MPP7: variants seen among roughly 807,000 people sequenced by gnomAD.
MPP7 encodes MAGUK p55 subfamily member 7.
Under a neutral mutation model 76.5 loss-of-function variants are expected in MPP7, and 60 were observed. The ratio of observed to expected loss-of-function variants is 0.78; its 90% confidence interval spans 0.64 to 0.97. MPP7 has a LOEUF of 0.97. MPP7 is among the 50% of genes least tolerant of loss of function. The pLI, the probability that MPP7 is intolerant of heterozygous loss-of-function variation, is 0.00. For missense variants in MPP7, 641 were observed against 694.0 expected, an observed-to-expected ratio of 0.92 and a Z score of 0.86; for synonymous variants, 237 against 244.5, an observed-to-expected ratio of 0.97 and a Z score of 0.29.
At chr10:28,171,080 A>G (rs958022518) in intron 3 of MPP7, among the ~76,000 whole-genome samples, 2 of 152,198 alleles carry the variant, frequency 1.3e-5, no homozygotes, top group African/African-American at 2.4e-5. Flanking sequence ...ACTACATCCA[A>G]AAACACAAAT....
intron 1 of MPP7, among the ~76,000 whole-genome samples, chr10:28,299,968 CGT>C (rs1841116923): frequency 2.0e-5 from 3 of 151,918 alleles, no homozygotes. Context: ...AGGGTTTCAC[CGT>C]GTTAGCCAGG....
chr10:28,131,581 C>A lies in MPP7; in HGVS notation c.426G>T (p.Leu142=). ...DEEDSVKIIR[L]VKNREPLGAT... ...TCACCAGTGGTTCTCTATTTTTGAC[C>A]AGACGGATTATTTTTACTGAGTCTT... Residue 142 remains leucine (L), a synonymous_variant, in exon 6 of 17, where the codon CTG becomes CTT. Transcript: ENST00000683449. 3.1e-6 allele frequency: 5 copies of A among 1,600,220 alleles called. No individual in the cohort carries two copies. Among genetic ancestry groups the A allele is most frequent in the Admixed American group, 1.7e-5 (1 of 59,670 alleles).
At chr10:28,179,768 AG>A (rs1837000416) in intron 3 of MPP7, among the ~76,000 whole-genome samples, 1 of 152,258 alleles carries the variant, frequency 6.6e-6, no homozygotes, top group African/African-American at 2.4e-5. Flanking sequence ...AATAGTGGCT[AG>A]CCAAATATTT....
In MPP7 at chr10:28,054,259, A is replaced by G. The variant is rs761405954; in HGVS notation, c.1552-15T>C. 1.3e-6 allele frequency: 2 copies of G among 1,500,684 alleles called. No individual in the cohort carries two copies. Among genetic ancestry groups the G allele is most frequent in the Non-Finnish European group, 1.8e-6 (2 of 1,100,904 alleles). The allele number at this position is 1,500,684 out of a possible 1,614,324, so 93.0% of individuals were successfully genotyped here. A position where few individuals can be genotyped will look rare whatever the true frequency, so the allele number is the denominator to read the frequency against. On this transcript the variant is annotated splice_polypyrimidine_tract_variant and intron_variant, in intron 16 of 16. Coordinates refer to ENST00000683449, the MANE Select transcript of MPP7 (RefSeq NM_001318170.2). ...AAATCTTCTTCCTACAAAAGGAAGT[A>G]TTAAAAAAATAATTGGTTAACCAGG... is the stretch of plus-strand genomic sequence containing the variant.
At chr10:28,330,176 T>A (rs539393642) in intron 1 of MPP7, among the ~76,000 whole-genome samples, 2 of 152,344 alleles carry the variant, frequency 1.3e-5, no homozygotes, top group South Asian at 4.1e-4. Flanking sequence ...CTGAGCTTCC[T>A]TTCAACGACA....
intron 2 of MPP7, among the ~76,000 whole-genome samples, chr10:28,233,532 C>T (rs1023647264): frequency 3.3e-5 from 5 of 150,650 alleles, no homozygotes; most frequent in Admixed American, 3.3e-4. Context: ...CACAATGAAA[C>T]CCCGTCTCTA....
intron 2 of MPP7, among the ~76,000 whole-genome samples, chr10:28,318,021 G>T (rs568858128): frequency 6.6e-6 from 1 of 152,170 alleles, no homozygotes; most frequent in Admixed American, 6.5e-5. Context: ...CTGTTGTTCC[G>T]GGTGCCATCG....
chr10:28,110,728 T>C (rs1052776773), intron 11 of MPP7, among the ~76,000 whole-genome samples: 38 of 152,306 alleles, frequency 2.5e-4, no homozygotes, highest in African/African-American at 9.1e-4. Flanking sequence ...TTTAGGCCTC[T>C]TTCTTGTGGA....
intron 3 of MPP7, among the ~76,000 whole-genome samples, chr10:28,150,521 A>C (rs948290149): frequency 1.3e-5 from 2 of 152,198 alleles, no homozygotes; most frequent in Admixed American, 1.3e-4. Flanking sequence ...AATCACTGTC[A>C]AGAGGGAAGG....
chr10:28,332,860 A>G (rs376713475), intron 1 of MPP7, among the ~76,000 whole-genome samples: 67 of 151,966 alleles, frequency 4.4e-4, no homozygotes, highest in African/African-American at 1.6e-3. Context: ...ACAGAGTCTC[A>G]CTATGTTGCC....
intron 2 of MPP7, among the ~76,000 whole-genome samples, chr10:28,314,566 C>T (rs376964041): frequency 1.4e-3 from 215 of 152,222 alleles, no homozygotes; most frequent in African/African-American, 5.0e-3. Context: ...TGAGAACAAT[C>T]GCAAAGTGTT....
chr10:28,313,853 A>ATTTTTTTTTTT lies in MPP7; in HGVS notation c.-132+16065_-132+16075dup, dbSNP rs1192149562. The stretch of plus-strand genomic sequence containing the variant: ...AGGTGTGTGCCACTATACCTGGCTA[A>ATTTTTTTTTTT]TTTTTTTTTTTTTATTTTTTTTATT... On this transcript the variant is annotated intron_variant, in intron 2 of 11. Transcript: ENST00000441595. Among the ~76,000 whole-genome samples the ATTTTTTTTTTT allele has an allele frequency of 1.2e-4, 4 of 32,676 alleles. 2 individuals are homozygous for ATTTTTTTTTTT. The highest frequency in any genetic ancestry group is 3.1e-4 in the African/African-American group (2 of 6,404). 21.4% of individuals were successfully genotyped at this position (32,676 alleles called of 152,430 possible). A position where few individuals can be genotyped will look rare whatever the true frequency, so the allele number is the denominator to read the frequency against.
At chr10:28,286,302 C>T (rs1244889967) in intron 1 of MPP7, among the ~76,000 whole-genome samples, 2 of 151,694 alleles carry the variant, frequency 1.3e-5, no homozygotes, top group Non-Finnish European at 2.9e-5. Flanking sequence ...GCCGAGATCA[C>T]GCCACTGTAC....
chr10:28,260,869 A>G (rs928366636), intron 1 of MPP7, among the ~76,000 whole-genome samples: 22 of 151,904 alleles, frequency 1.4e-4, no homozygotes, highest in African/African-American at 4.8e-4. Context: ...TACATGATGC[A>G]TTTCAACTCA....
chr10:28,075,043 T>C lies in MPP7; in HGVS notation c.1124-5191A>G, dbSNP rs112086041. ...GGCTTCTGAGGAGGCCTTAGGAAACTTACAGTCATGGGGGAAGGTGAAGGG... is the reference window on the plus strand; with the variant it reads ...GGCTTCTGAGGAGGCCTTAGGAAACCTACAGTCATGGGGGAAGGTGAAGGG... On this transcript the variant is annotated intron_variant, in intron 12 of 16. Coordinates refer to ENST00000683449, the MANE Select transcript of MPP7 (RefSeq NM_001318170.2). Among the ~76,000 whole-genome samples the C allele has an allele frequency of 7.0e-3, 1,064 of 151,930 alleles. 13 individuals are homozygous for C. Among genetic ancestry groups the C allele is most frequent in the African/African-American group, 0.024 (1,012 of 41,412 alleles).
At chr10:28,116,383 G>A (rs1290714709) in intron 11 of MPP7, among the ~76,000 whole-genome samples, 2 of 152,112 alleles carry the variant, frequency 1.3e-5, no homozygotes, top group Non-Finnish European at 2.9e-5. Flanking sequence ...CACAAGAAAT[G>A]CAAGCTGCCA....
chr10:28,299,766 C>CTT (rs59047415), intron 1 of MPP7, among the ~76,000 whole-genome samples: 14 of 132,728 alleles, frequency 1.1e-4, no homozygotes, highest in Non-Finnish European at 1.3e-4. Flanking sequence ...AAATTCAAGA[C>CTT]TTTTTTTTTT....
At chr10:28,159,666 T>C (rs902162393) in intron 3 of MPP7, among the ~76,000 whole-genome samples, 1 of 152,168 alleles carries the variant, frequency 6.6e-6, no homozygotes, top group Non-Finnish European at 1.5e-5. Context: ...TTTAGCTAAG[T>C]GTAGATACTC....
intron 2 of MPP7, among the ~76,000 whole-genome samples, chr10:28,325,544 A>C (rs1834403292): frequency 6.6e-6 from 1 of 151,512 alleles, no homozygotes; most frequent in Non-Finnish European, 1.5e-5. Context: ...CCCAGGCTGG[A>C]GTGCAGTGGC....
Sources: allele counts gnomAD v4.1 joint callset (sites outside exome capture counted in the v4.1 genomes callset), GRCh38; gene constraint gnomAD v4.1.1; transcripts MANE v1.5; gene names NCBI Gene and HGNC (gene_info 2026-07-23, HGNC 2026-07-21).